The following NTM variants were observed in gnomAD, a reference collection of about 807,000 sequenced individuals.
NTM encodes neurotrimin.
Under a neutral mutation model 42.1 loss-of-function variants are expected in NTM, and 13 were observed. That is an observed-to-expected ratio of 0.31 (90% CI 0.20 to 0.49). The LOEUF (loss-of-function observed/expected upper bound fraction) is 0.49, where lower values mean the gene tolerates loss of function less well. Ranked by LOEUF, NTM falls within the 20% of genes least tolerant of loss-of-function variation. The pLI is 0.99. For missense variants in NTM, 373 were observed against 452.8 expected (o/e 0.82, Z 1.60); for synonymous variants, 187 against 179.2 (o/e 1.04, Z -0.35).
chr11:132,324,649 C>G (rs993502130), intron 7 of NTM, among the ~76,000 whole-genome samples: 1 of 67,024 alleles, frequency 1.5e-5, no homozygotes, highest in Non-Finnish European at 3.1e-5. Flanking sequence ...CAATGACTTT[C>G]TTCACAGAAT....
chr11:131,754,342 G>A (rs1394978517), intron 1 of NTM, among the ~76,000 whole-genome samples: 2 of 152,130 alleles, frequency 1.3e-5, no homozygotes, highest in South Asian at 4.2e-4. Context: ...TAAATACATG[G>A]GGCTGGGCGT....
rs560356588 is a variant in NTM, at chr11:131,608,845, G to A, written c.82+237957G>A. 1.6e-3 allele frequency among the ~76,000 whole-genome samples: 246 copies of A among 152,246 alleles called. 3 individuals carry two copies. Among genetic ancestry groups the A allele is most frequent in the African/African-American group, 5.0e-3 (206 of 41,554 alleles). ...TTAAAGATAAGATATCTTCAGGGAC[G>A]CTGGATTCAATGGTGTCCTACAGTG... On this transcript the variant is annotated intron_variant, in intron 1 of 8. Coordinates refer to ENST00000683400, the MANE Select transcript of NTM (RefSeq NM_001352005.2).
chr11:131,699,298 A>G (rs2075815902), intron 1 of NTM, among the ~76,000 whole-genome samples: 1 of 152,218 alleles, frequency 6.6e-6, no homozygotes, highest in East Asian at 1.9e-4. Flanking sequence ...TCCACCTACA[A>G]TAATCAGGCA....
At chr11:131,434,083 T>C (rs1260736323) in intron 1 of NTM, among the ~76,000 whole-genome samples, 2 of 152,204 alleles carry the variant, frequency 1.3e-5, no homozygotes, top group African/African-American at 2.4e-5. Flanking sequence ...TTGCTCAGAA[T>C]GATGGTTTCC....
intron 1 of NTM, among the ~76,000 whole-genome samples, chr11:131,548,274 CT>C (rs1282399797): frequency 6.6e-6 from 1 of 152,108 alleles, no homozygotes; most frequent in African/African-American, 2.4e-5. Flanking sequence ...TCCACCACCA[CT>C]CTCCCCTTGT....
intron 1 of NTM, among the ~76,000 whole-genome samples, chr11:131,803,468 C>T (rs761275563): frequency 6.6e-6 from 1 of 152,026 alleles, no homozygotes; most frequent in Non-Finnish European, 1.5e-5. Flanking sequence ...ACCACCACAC[C>T]CAGCTAATTT....
chr11:132,162,781 C>CTG (rs112701696), intron 3 of NTM, among the ~76,000 whole-genome samples: 16 of 143,396 alleles, frequency 1.1e-4, no homozygotes, highest in Admixed American at 2.1e-4. Flanking sequence ...TTTGTGGGAC[C>CTG]TGTGTGTGTG....
intron 1 of NTM, chr11:131,534,194 T>C (rs1272676765): frequency 6.6e-6 from 1 of 152,186 alleles, no homozygotes; most frequent in Non-Finnish European, 1.5e-5. Flanking sequence ...ATAAGTGAAC[T>C]GCTTACGACA....
intron 1 of NTM, among the ~76,000 whole-genome samples, chr11:131,466,576 GA>G (rs1200487367): frequency 6.6e-6 from 1 of 152,164 alleles, no homozygotes; most frequent in African/African-American, 2.4e-5. Flanking sequence ...TCTTTGAAAT[GA>G]GAATCATTCT....
intron 1 of NTM, among the ~76,000 whole-genome samples, chr11:131,526,176 C>T (rs2050453066): frequency 6.6e-6 from 1 of 152,220 alleles, no homozygotes; most frequent in African/African-American, 2.4e-5. Flanking sequence ...TGAGTTAGCA[C>T]ATAAATGACA....
At chr11:131,652,938 C>A (rs60154589) in intron 1 of NTM, among the ~76,000 whole-genome samples, 7,732 of 152,288 alleles carry the variant, frequency 0.051, 386 homozygotes, top group African/African-American at 0.13. Flanking sequence ...TCATCCTTTA[C>A]CGCCCTGCCA....
intron 1 of NTM, among the ~76,000 whole-genome samples, chr11:131,518,807 C>T (rs6590584): frequency 0.14 from 20,849 of 152,168 alleles, 1,627 homozygotes; most frequent in East Asian, 0.26. Flanking sequence ...TTGCATGCTA[C>T]TAAATGAGTA....
intron 1 of NTM, among the ~76,000 whole-genome samples, chr11:131,852,559 G>A (rs2045668213): frequency 6.6e-6 from 1 of 152,194 alleles, no homozygotes; most frequent in Non-Finnish European, 1.5e-5. Context: ...TGCTCTGGCA[G>A]CTCCATGGTC....
intron 3 of NTM, among the ~76,000 whole-genome samples, chr11:132,173,492 A>G (rs1276739966): frequency 2.0e-5 from 3 of 152,184 alleles, no homozygotes; most frequent in Non-Finnish European, 4.4e-5. Flanking sequence ...TGCTGCCACT[A>G]TTCTTGTTAG....
intron 1 of NTM, among the ~76,000 whole-genome samples, chr11:131,591,404 T>A (rs780043454): frequency 2.0e-5 from 3 of 152,182 alleles, no homozygotes; most frequent in Non-Finnish European, 4.4e-5. Flanking sequence ...TATCTGCTGC[T>A]GACAGTCCAT....
At chr11:132,062,493 A>G (rs1287628917) in intron 2 of NTM, among the ~76,000 whole-genome samples, 1 of 88,112 alleles carries the variant, frequency 1.1e-5, no homozygotes, top group Admixed American at 9.9e-5. Context: ...TGGAAGAGAT[A>G]GGCTTTTTTT....
At chr11:131,789,921 A>ACTCCAGC (rs1052384501) in intron 1 of NTM, among the ~76,000 whole-genome samples, 12 of 133,038 alleles carry the variant, frequency 9.0e-5, no homozygotes, top group Non-Finnish European at 1.5e-4. Context: ...GCGCCACTGC[A>ACTCCAGC]CTCCAGCCTG....
At chr11:131,836,432 T>C (rs939655670) in intron 1 of NTM, among the ~76,000 whole-genome samples, 12 of 152,202 alleles carry the variant, frequency 7.9e-5, no homozygotes, top group African/African-American at 2.9e-4. Flanking sequence ...TATATGTAAT[T>C]GTGTAGCACA....
intron 1 of NTM, chr11:131,878,019 C>T (rs1159984534): frequency 6.6e-6 from 1 of 152,190 alleles, no homozygotes; most frequent in East Asian, 1.9e-4. Flanking sequence ...TCCTTTGGTC[C>T]TTGAAAGCAT....
Sources: gnomAD v4.1 joint callset for allele counts (sites outside exome capture counted in the v4.1 genomes callset) on GRCh38, gnomAD v4.1.1 for gene constraint, MANE v1.5 for transcripts, NCBI Gene and HGNC (gene_info 2026-07-23, HGNC 2026-07-21) for gene names.